The following CSMD3 variants were observed in gnomAD, a reference collection of about 807,000 sequenced individuals.
CSMD3 encodes the protein CUB and sushi domain-containing protein 3.
In CSMD3, 177 loss-of-function variants were observed where a neutral mutation model predicts 435.2. The ratio of observed to expected loss-of-function variants is 0.41; its 90% CI spans 0.36 to 0.46. The LOEUF (loss-of-function observed/expected upper bound fraction) is 0.46. CSMD3 is among the 20% of genes least tolerant of loss of function. The pLI, the probability that CSMD3 is intolerant of heterozygous loss-of-function variation, is 0.34. For missense variants in CSMD3, 4,265 were observed against 4,504.6 expected, an observed-to-expected ratio of 0.95 and a Z score of 1.52; for synonymous variants, 1,656 against 1,520.5, an observed-to-expected ratio of 1.09 and a Z score of -2.07.
chr8:113,188,145 G>C (rs994276956), intron 3 of CSMD3, among the ~76,000 whole-genome samples: 2 of 151,720 alleles, frequency 1.3e-5, no homozygotes, highest in African/African-American at 2.4e-5. Context: ...TATATTTATT[G>C]ACCACTTGCT....
chr8:112,447,810 C>T (rs745365257), intron 32 of CSMD3, among the ~76,000 whole-genome samples: 1 of 152,164 alleles, frequency 6.6e-6, no homozygotes, highest in Non-Finnish European at 1.5e-5. Flanking sequence ...AAATTGAAAG[C>T]CTGGAATGTC....
chr8:112,436,423 G>A (rs11990418), intron 32 of CSMD3, among the ~76,000 whole-genome samples: 2,663 of 151,844 alleles, frequency 0.018, 81 homozygotes, highest in African/African-American at 0.061. Flanking sequence ...TTTTATCCAT[G>A]ATTATATGAA....
chr8:113,306,044 C>T (rs536056288), intron 2 of CSMD3, among the ~76,000 whole-genome samples: 1 of 152,036 alleles, frequency 6.6e-6, no homozygotes, highest in Non-Finnish European at 1.5e-5. Flanking sequence ...ATAGTTGAAC[C>T]AACAGTAAGC....
intron 3 of CSMD3, among the ~76,000 whole-genome samples, chr8:113,223,549 T>C (rs1338644297): frequency 6.7e-6 from 1 of 150,158 alleles, no homozygotes; most frequent in Non-Finnish European, 1.5e-5. Context: ...ATTATTTATA[T>C]ATATTTTTAC....
intron 12 of CSMD3, among the ~76,000 whole-genome samples, chr8:112,813,200 T>C (rs535523656): frequency 3.7e-4 from 57 of 152,234 alleles, no homozygotes; most frequent in African/African-American, 1.3e-3. Context: ...AGAGTGAAAG[T>C]ACAAAGCTCC....
intron 10 of CSMD3, among the ~76,000 whole-genome samples, chr8:112,893,405 C>A (rs2081858187): frequency 1.3e-5 from 2 of 151,354 alleles, no homozygotes; most frequent in Admixed American, 1.3e-4. Context: ...GATTTAAGTG[C>A]AATTCCCAAC....
At chr8:113,334,297 A>ATTTTTTTTTTTTTTTTTTTTT (rs2094052880) in intron 1 of CSMD3, among the ~76,000 whole-genome samples, 6 of 126,280 alleles carry the variant, frequency 4.8e-5, no homozygotes, top group Admixed American at 8.1e-5. Flanking sequence ...TTTTTTTTTC[A>ATTTTTTTTTTTTTTTTTTTTT]TTTCCAGCCT....
chr8:112,722,436 G>A (rs758441493), intron 13 of CSMD3, among the ~76,000 whole-genome samples: 2 of 152,128 alleles, frequency 1.3e-5, no homozygotes, highest in Non-Finnish European at 2.9e-5. Context: ...AGGTTGTTAC[G>A]ATTAGAAGAT....
intron 12 of CSMD3, among the ~76,000 whole-genome samples, chr8:112,823,253 C>A (rs2079578562): frequency 6.6e-6 from 1 of 152,160 alleles, no homozygotes; most frequent in South Asian, 2.1e-4. Flanking sequence ...GGCTGTGAAT[C>A]CATCTGGTCC....
intron 3 of CSMD3, among the ~76,000 whole-genome samples, chr8:113,254,964 AT>A (rs1235484687): frequency 6.6e-6 from 1 of 152,186 alleles, no homozygotes; most frequent in African/African-American, 2.4e-5. Context: ...ATACTAATAC[AT>A]TTGGAAAATA....
chr8:112,950,337 A>C (rs1296478806), intron 8 of CSMD3, among the ~76,000 whole-genome samples: 1 of 151,878 alleles, frequency 6.6e-6, no homozygotes, highest in East Asian at 1.9e-4. Flanking sequence ...TGACTTTTTA[A>C]AATGTGGCAT....
At chr8:112,972,857 T>C (rs2084707871) in intron 7 of CSMD3, among the ~76,000 whole-genome samples, 1 of 151,944 alleles carries the variant, frequency 6.6e-6, no homozygotes, top group Admixed American at 6.6e-5. Flanking sequence ...TTTATAGGGC[T>C]GATGATTACA....
chr8:113,319,019 A>G (rs1368771575), intron 1 of CSMD3, among the ~76,000 whole-genome samples: 1 of 151,964 alleles, frequency 6.6e-6, no homozygotes, highest in African/African-American at 2.4e-5. Context: ...GGGAGTGCAG[A>G]TATTTTTACA....
chr8:112,981,710 A>G (rs2085059638), intron 6 of CSMD3, among the ~76,000 whole-genome samples: 1 of 151,762 alleles, frequency 6.6e-6, no homozygotes, highest in Non-Finnish European at 1.5e-5. Context: ...AACAAATTAT[A>G]CACTATTACA....
intron 5 of CSMD3, among the ~76,000 whole-genome samples, chr8:113,075,410 C>T (rs1008420653): frequency 1.3e-5 from 2 of 151,830 alleles, no homozygotes; most frequent in African/African-American, 4.8e-5. Flanking sequence ...TAACTATTGG[C>T]CTTAATTTTT....
At chr8:112,867,373 C>G (rs2081012671) in intron 10 of CSMD3, among the ~76,000 whole-genome samples, 1 of 152,116 alleles carries the variant, frequency 6.6e-6, no homozygotes, top group South Asian at 2.1e-4. Flanking sequence ...TGAGAAAGAA[C>G]AGAGTTGGGG....
At chr8:112,549,949 A>G (rs1442387425) in intron 27 of CSMD3, among the ~76,000 whole-genome samples, 1 of 152,056 alleles carries the variant, frequency 6.6e-6, no homozygotes. Flanking sequence ...ATACAGATAA[A>G]AAATCTATTA....
intron 7 of CSMD3, among the ~76,000 whole-genome samples, chr8:112,955,645 C>A (rs1190443615): frequency 2.0e-5 from 3 of 151,428 alleles, no homozygotes; most frequent in Admixed American, 1.3e-4. Context: ...TAATTTTGTC[C>A]CCATTGACCA....
At chr8:113,057,809 G>T (rs914379193) in intron 5 of CSMD3, among the ~76,000 whole-genome samples, 1 of 151,756 alleles carries the variant, frequency 6.6e-6, no homozygotes, top group Admixed American at 6.6e-5. Context: ...GAAGCAATGA[G>T]ATGAATAGAT....
Sources: allele counts gnomAD v4.1 joint callset (sites outside exome capture counted in the v4.1 genomes callset), GRCh38; gene constraint gnomAD v4.1.1; transcripts MANE v1.5; gene names NCBI Gene and HGNC (gene_info 2026-07-23, HGNC 2026-07-21).